The following THSD4 variants were observed in gnomAD, a reference collection of about 807,000 sequenced individuals.
THSD4 encodes thrombospondin type 1 domain containing 4.
A neutral mutation model predicts 119.0 loss-of-function variants in THSD4; 69 were observed. The ratio of observed to expected loss-of-function variants is 0.58; its 90% CI spans 0.48 to 0.71. The LOEUF is 0.71. THSD4 is among the 30% of genes least tolerant of loss of function. The pLI is 0.00. For synonymous variants in THSD4, 524 were observed against 540.4 expected, an observed-to-expected ratio of 0.97 and a Z score of 0.42; for missense variants, 1,393 against 1,391.1, an observed-to-expected ratio of 1.00 and a Z score of -0.02.
chr15:71,194,150 A>C (rs2043700022), intron 3 of THSD4, among the ~76,000 whole-genome samples: 1 of 152,160 alleles, frequency 6.6e-6, no homozygotes, highest in Non-Finnish European at 1.5e-5. Flanking sequence ...TGAGTCTGTT[A>C]AACCTCTTTT....
intron 7 of THSD4, among the ~76,000 whole-genome samples, chr15:71,588,261 G>A (rs992989473): frequency 8.2e-5 from 12 of 146,268 alleles, no homozygotes; most frequent in African/African-American, 1.0e-4. Context: ...AGCCGAGATC[G>A]CGCCACTGCA....
intron 6 of THSD4, among the ~76,000 whole-genome samples, chr15:71,294,923 TAAA>T (rs10656605): frequency 7.2e-6 from 1 of 138,152 alleles, no homozygotes; most frequent in Non-Finnish European, 1.5e-5. Flanking sequence ...CTCACAGCTG[TAAA>T]AAAAAAAAAA....
chr15:71,762,777 GT>G (rs536526738), intron 15 of THSD4, among the ~76,000 whole-genome samples: 3 of 151,554 alleles, frequency 2.0e-5, no homozygotes, highest in East Asian at 1.9e-4. Context: ...AAATCTTATA[GT>G]TTTTTTTTGG....
chr15:71,197,544 G>A (rs1311344630), intron 3 of THSD4, among the ~76,000 whole-genome samples: 1 of 152,172 alleles, frequency 6.6e-6, no homozygotes, highest in African/African-American at 2.4e-5. Context: ...CCTTCCACAA[G>A]TTGGTAGAGC....
chr15:71,765,629 G>A (rs1276985732), intron 16 of THSD4, among the ~76,000 whole-genome samples: 2 of 152,222 alleles, frequency 1.3e-5, no homozygotes, highest in Non-Finnish European at 2.9e-5. Flanking sequence ...GATGCCAGGC[G>A]TGGTGGTTGA....
intron 6 of THSD4, among the ~76,000 whole-genome samples, chr15:71,266,199 T>A (rs376317008): frequency 5.9e-5 from 9 of 152,176 alleles, no homozygotes; most frequent in African/African-American, 2.2e-4. Flanking sequence ...AGACACCTCA[T>A]ACAGGAGAGC....
chr15:71,478,125 G>A (rs996628185), intron 7 of THSD4, among the ~76,000 whole-genome samples: 5 of 152,116 alleles, frequency 3.3e-5, no homozygotes, highest in African/African-American at 1.2e-4. Flanking sequence ...ATTTCCCCTG[G>A]GGTCGGCTGC....
chr15:71,312,311 G>C (rs2045121701), intron 6 of THSD4, among the ~76,000 whole-genome samples: 1 of 152,086 alleles, frequency 6.6e-6, no homozygotes, highest in South Asian at 2.1e-4. Flanking sequence ...CTGGGTGACA[G>C]AGCAAGACTC....
At chr15:71,591,972 T>C (rs2049816157) in intron 7 of THSD4, among the ~76,000 whole-genome samples, 1 of 152,180 alleles carries the variant, frequency 6.6e-6, no homozygotes. Context: ...CGTGTAATTT[T>C]CCCATCCCTA....
chr15:71,480,911 C>A (rs1212805812), intron 7 of THSD4, among the ~76,000 whole-genome samples: 4 of 152,172 alleles, frequency 2.6e-5, no homozygotes, highest in African/African-American at 9.7e-5. Flanking sequence ...TCCATGAACA[C>A]CCCATGCATG....
chr15:71,620,198 A>G (rs2050395773), intron 7 of THSD4, among the ~76,000 whole-genome samples: 2 of 152,204 alleles, frequency 1.3e-5, no homozygotes, highest in African/African-American at 2.4e-5. Flanking sequence ...CATTTCTGAT[A>G]TTCTGTTTTC....
chr15:71,503,426 T>G (rs1376827864), intron 7 of THSD4, among the ~76,000 whole-genome samples: 2 of 152,104 alleles, frequency 1.3e-5, no homozygotes, highest in Non-Finnish European at 2.9e-5. Context: ...CACCACACTT[T>G]CCCATTGTCC....
intron 1 of THSD4, among the ~76,000 whole-genome samples, chr15:71,130,889 C>T (rs1458323412): frequency 2.0e-5 from 3 of 152,194 alleles, no homozygotes; most frequent in Non-Finnish European, 2.9e-5. Context: ...GGACTACAGG[C>T]GCCCGCTACC....
chr15:71,420,209 A>T (rs2046793442), intron 7 of THSD4, among the ~76,000 whole-genome samples: 1 of 105,150 alleles, frequency 9.5e-6, no homozygotes, highest in Non-Finnish European at 2.1e-5. Context: ...TGCTGAATTG[A>T]CTCTTTTATC....
chr15:71,728,868 A>C (rs2052918200), intron 9 of THSD4, 144 bp downstream of exon 9: 1 of 1,059,294 alleles, frequency 9.4e-7, no homozygotes. Flanking sequence ...CACTCCTTGA[A>C]TGCTTGGCGT....
At chr15:71,746,717 T>C in intron 12 of THSD4, 121 bp from the exon 13 acceptor site, 2 of 1,095,112 alleles carry the variant, frequency 1.8e-6, no homozygotes, top group Non-Finnish European at 2.7e-6. Context: ...CAAGCAATGC[T>C]CTAGTAAGAA....
intron 17 of THSD4, 29 bp downstream of exon 17, chr15:71,771,237 A>G (rs775965138): frequency 1.2e-6 from 2 of 1,610,894 alleles, no homozygotes; most frequent in Non-Finnish European, 1.7e-6. Flanking sequence ...CATGGGGGAA[A>G]GGTTTGTGTT....
chr15:71,709,862 T>G (rs1161096951), intron 8 of THSD4, among the ~76,000 whole-genome samples: 1 of 151,868 alleles, frequency 6.6e-6, no homozygotes, highest in Non-Finnish European at 1.5e-5. Flanking sequence ...CAGGCATCAG[T>G]TTAAAAAAAA....
intron 6 of THSD4, among the ~76,000 whole-genome samples, chr15:71,365,383 A>G (rs1161835837): frequency 3.9e-5 from 6 of 152,048 alleles, no homozygotes. Context: ...ATGGTAACCC[A>G]GGCATGACTC....
Sources: gnomAD v4.1 joint callset for allele counts (sites outside exome capture counted in the v4.1 genomes callset) on GRCh38, gnomAD v4.1.1 for gene constraint, MANE v1.5 for transcripts, NCBI Gene and HGNC (gene_info 2026-07-23, HGNC 2026-07-21) for gene names.